Variants in CCDC186 observed in about 807,000 individuals in gnomAD.
CCDC186 encodes coiled-coil domain-containing protein 186.
Under a neutral mutation model 113.7 loss-of-function variants are expected in CCDC186, and 49 were observed. The observed-to-expected ratio is 0.43, with a 90% confidence interval of 0.34 to 0.55. The LOEUF is 0.55. Among genes scored for constraint, CCDC186 ranks in the 20% least tolerant of loss-of-function variants. CCDC186 has a pLI of 0.02. For missense variants in CCDC186, 890 were observed against 1,011.1 expected, an observed-to-expected ratio of 0.88 and a Z score of 1.62; for synonymous variants, 355 against 345.8, an observed-to-expected ratio of 1.03 and a Z score of -0.30.
intron 1 of CCDC186, among the ~76,000 whole-genome samples, chr10:114,167,015 GTTTT>G (rs201434736): frequency 2.0e-4 from 26 of 127,234 alleles, no homozygotes; most frequent in African/African-American, 7.0e-4. Flanking sequence ...TTGCAAGCTG[GTTTT>G]TTTTTTTTTT....
chr10:114,144,381 C>T lies in CCDC186; in HGVS notation c.1221+116G>A, dbSNP rs536926219. ...CTCATTAACTGTTATTGCATTTGCT[C>T]TTAAAACTCATTCTAATCTGAAAGA... On this transcript the variant is annotated intron_variant, in intron 6 of 15. Coordinates refer to ENST00000369287, the MANE Select transcript of CCDC186 (RefSeq NM_018017.4). 7.2e-5 allele frequency: 95 copies of T among 1,322,122 alleles called. No individual in the cohort carries two copies. The South Asian group carries it at 1.5e-3, about 20-fold the overall frequency. 81.9% of individuals were successfully genotyped at this position (1,322,122 alleles called of 1,614,324 possible).
At chr10:114,160,269 CAAA>C (rs78640501) in intron 2 of CCDC186, among the ~76,000 whole-genome samples, 4 of 114,204 alleles carry the variant, frequency 3.5e-5, no homozygotes, top group Admixed American at 9.2e-5. Context: ...AACTCCACCT[CAAA>C]AAAAAAAAAA....
rs548735399 is a variant in CCDC186 at position 114,138,829 on chromosome 10, T to C, written c.1222-1539A>G. Among the ~76,000 whole-genome samples, 15 of 152,324 alleles carry C rather than the reference T, an allele frequency of 9.8e-5. 2 individuals are homozygous for C. In the South Asian group the frequency reaches 3.1e-3, roughly 32 times the overall value. Reference sequence around the variant, plus strand: ...GATTTTCCAAGATACAGCCTGGCCATGGAGCTCTTTCTTCATAATTCTCCC... The same window carrying C: ...GATTTTCCAAGATACAGCCTGGCCACGGAGCTCTTTCTTCATAATTCTCCC... On this transcript the variant is annotated intron_variant, in intron 6 of 15. Coordinates refer to ENST00000369287, the MANE Select transcript of CCDC186 (RefSeq NM_018017.4).
At chr10:114,171,182 T>C (rs951026681) in intron 1 of CCDC186, among the ~76,000 whole-genome samples, 1 of 152,046 alleles carries the variant, frequency 6.6e-6, no homozygotes, top group East Asian at 1.9e-4. Context: ...CCTCCAAATC[T>C]GAAAAGGAAT....
intron 2 of CCDC186, chr10:114,161,890 G>A (rs761731566): frequency 2.0e-5 from 3 of 152,108 alleles, no homozygotes; most frequent in Non-Finnish European, 4.4e-5. Flanking sequence ...TTACAACATG[G>A]ATAAATGAGG....
chr10:114,158,143 C>T (rs1446226312), intron 2 of CCDC186, among the ~76,000 whole-genome samples: 1 of 152,192 alleles, frequency 6.6e-6, no homozygotes, highest in East Asian at 1.9e-4. Context: ...AAACATCCTA[C>T]AATGCACAAG....
rs1367132260 is a variant in CCDC186, at chr10:114,132,060, T to C, written c.1780A>G (p.Arg594Gly). ...AGCTGTGCATTCTTACTAGTGAGCC[T>C]TTCTGTAAACAGCAGCAGCTCAGAT... ...RESELLLFTERLTSKNAQLQS... is the reference protein window; with the variant it reads ...RESELLLFTEGLTSKNAQLQS... The change falls in exon 11 of 16, where the codon AGG becomes GGG. Residue 594 changes from arginine (R) to glycine (G), a missense_variant. Coordinates refer to ENST00000369287, the MANE Select transcript of CCDC186 (RefSeq NM_018017.4). 6.2e-7 allele frequency: 1 copy of C among 1,613,636 alleles called. No homozygotes were observed. Among genetic ancestry groups the C allele is most frequent in the South Asian group, 1.1e-5 (1 of 91,062 alleles).
In CCDC186 at chr10:114,174,163, G is replaced by C. The variant is rs114530801; in HGVS notation, c.-210C>G. The C allele has an allele frequency of 2.1e-6, 1 of 466,836 alleles. No individual in the cohort carries two copies. Among genetic ancestry groups the C allele is most frequent in the South Asian group, 1.6e-5 (1 of 63,912 alleles). The allele number at this position is 466,836 out of a possible 1,614,324, so 28.9% of individuals were successfully genotyped here. On this transcript the variant is annotated 5_prime_UTR_variant, in exon 1 of 16. Coordinates refer to ENST00000369287, the MANE Select transcript of CCDC186 (RefSeq NM_018017.4). ...ACAGCCGACGCCTCACTCAGCGGCC[G>C]TTTCCCCAAACCCCTGCGGAGCTGA...
chr10:114,170,680 T>G (rs1038939047), intron 1 of CCDC186, among the ~76,000 whole-genome samples: 3 of 152,200 alleles, frequency 2.0e-5, no homozygotes, highest in African/African-American at 4.8e-5. Flanking sequence ...TAAAAAAGTT[T>G]CCTTTAGTTC....
At chr10:114,144,869 T>G (rs1051222859) in intron 5 of CCDC186, among the ~76,000 whole-genome samples, 1 of 152,162 alleles carries the variant, frequency 6.6e-6, no homozygotes, top group Non-Finnish European at 1.5e-5. Context: ...CAACATATCT[T>G]TATGATTCTT....
At chr10:114,150,656 C>T (rs187926889) in intron 4 of CCDC186, among the ~76,000 whole-genome samples, 7 of 152,100 alleles carry the variant, frequency 4.6e-5, no homozygotes, top group Admixed American at 4.6e-4. Flanking sequence ...TAATGACTTA[C>T]TATTTTTTTT....
intron 2 of CCDC186, among the ~76,000 whole-genome samples, chr10:114,160,246 T>C (rs2032131249): frequency 1.3e-5 from 2 of 149,898 alleles, no homozygotes; most frequent in African/African-American, 4.9e-5. Flanking sequence ...CTCCAGCCTG[T>C]GTGACACAGC....
chr10:114,131,561 C>A (rs1296451830), intron 11 of CCDC186, among the ~76,000 whole-genome samples: 1 of 152,126 alleles, frequency 6.6e-6, no homozygotes, highest in East Asian at 1.9e-4. Flanking sequence ...ACATGTGATA[C>A]AGGTTGTTGA....
intron 12 of CCDC186, 67 bp downstream of exon 12, chr10:114,131,080 A>G: frequency 7.7e-7 from 1 of 1,290,530 alleles, no homozygotes; most frequent in Non-Finnish European, 1.0e-6. Context: ...AGAATCACAA[A>G]AAATAAAATC....
chr10:114,139,079 A>G (rs539009480), intron 6 of CCDC186, among the ~76,000 whole-genome samples: 1 of 152,354 alleles, frequency 6.6e-6, no homozygotes, highest in South Asian at 2.1e-4. Flanking sequence ...GATAGCGACT[A>G]ACTCAATACT....
At chr10:114,135,819 T>C (rs1178953614) in intron 9 of CCDC186, 72 bp downstream of exon 9, 6 of 1,246,882 alleles carry the variant, frequency 4.8e-6, no homozygotes, top group African/African-American at 3.0e-5. Flanking sequence ...CCCACCACTT[T>C]AAAAATCAGA....
chr10:114,163,015 G>A lies in CCDC186; in HGVS notation c.254C>T (p.Thr85Ile), dbSNP rs1061159. The change falls in exon 2 of 16, where the codon ACA (threonine) becomes ATA (isoleucine). Residue 85 changes from threonine to isoleucine, a missense_variant. Thr to Ile is a moderately conservative substitution (Grantham distance 89). Coordinates refer to ENST00000369287, the MANE Select transcript of CCDC186 (RefSeq NM_018017.4). ...TATTTGTTCAGAATTTTCTGAGCCT[G>A]TGTCTGTTTTGGCACAAGAATCCTC... The part of the protein sequence containing the change: ...GGEDSCAKTD[T>I]GSENSEQIAN... 363,103 of 1,613,806 alleles carry A rather than the reference G, an allele frequency of 0.22. 42,652 individuals are homozygous for A. Among genetic ancestry groups the A allele is most frequent in the African/African-American group, 0.33 (24,374 of 74,956 alleles).
intron 3 of CCDC186, among the ~76,000 whole-genome samples, chr10:114,155,579 G>T (rs1167667666): frequency 1.3e-5 from 2 of 152,126 alleles, no homozygotes; most frequent in Non-Finnish European, 2.9e-5. Flanking sequence ...GGAGGCTGAG[G>T]CAGAAGAATC....
At chr10:114,147,132 C>T (rs1291497245) in intron 4 of CCDC186, among the ~76,000 whole-genome samples, 1 of 152,142 alleles carries the variant, frequency 6.6e-6, no homozygotes, top group African/African-American at 2.4e-5. Flanking sequence ...AACTGAATAT[C>T]TGTACTTAGA....
Sources: allele counts gnomAD v4.1 joint callset (sites outside exome capture counted in the v4.1 genomes callset), GRCh38; gene constraint gnomAD v4.1.1; transcripts MANE v1.5; gene names NCBI Gene and HGNC (gene_info 2026-07-23, HGNC 2026-07-21).